SUMF1: variants seen among roughly 807,000 people sequenced by gnomAD.
SUMF1 encodes sulfatase modifying factor 1.
SUMF1 carries 48 observed loss-of-function variants against 47.6 expected under a neutral mutation model. The ratio of observed to expected loss-of-function variants is 1.01; its 90% CI spans 0.80 to 1.28. The LOEUF (loss-of-function observed/expected upper bound fraction) is 1.28, where lower values mean the gene tolerates loss of function less well. Ranked by LOEUF, SUMF1 falls within the 50% of genes most tolerant of loss-of-function variation. SUMF1 has a pLI of 0.00. For missense variants in SUMF1, 571 were observed against 485.4 expected, an observed-to-expected ratio of 1.18 and a Z score of -1.66; for synonymous variants, 230 against 192.1, an observed-to-expected ratio of 1.20 and a Z score of -1.63.
intron 6 of SUMF1, among the ~76,000 whole-genome samples, chr3:4,412,309 TA>T (rs1408616740): frequency 6.6e-6 from 1 of 151,592 alleles, no homozygotes; most frequent in African/African-American, 2.4e-5. Flanking sequence ...ATGAGTAGGG[TA>T]AGAGAGGGAA....
chr3:4,320,592 G>C (rs1559224294), intron 8 of SUMF1, among the ~76,000 whole-genome samples: 1 of 152,094 alleles, frequency 6.6e-6, no homozygotes, highest in Non-Finnish European at 1.5e-5. Flanking sequence ...GAAAAGGAGA[G>C]GAACTGCATG....
At chr3:4,282,283 C>T (rs1370151366) in intron 8 of SUMF1, among the ~76,000 whole-genome samples, 1 of 152,116 alleles carries the variant, frequency 6.6e-6, no homozygotes, top group Non-Finnish European at 1.5e-5. Flanking sequence ...AGGGAAAAAG[C>T]TTTATTGCAG....
chr3:4,384,892 C>CTT (rs60832424), intron 7 of SUMF1, among the ~76,000 whole-genome samples: 1 of 140,840 alleles, frequency 7.1e-6, no homozygotes, highest in African/African-American at 2.6e-5. Context: ...TTTCTTTTTT[C>CTT]TTTTTTTTTT....
intron 8 of SUMF1, among the ~76,000 whole-genome samples, chr3:4,300,988 T>C (rs1432756210): frequency 7.8e-6 from 1 of 128,488 alleles, no homozygotes; most frequent in African/African-American, 3.1e-5. Context: ...TTTCTCTATC[T>C]ATCTATCTCC....
At chr3:4,289,596 C>T (rs1276159538) in intron 8 of SUMF1, among the ~76,000 whole-genome samples, 1 of 152,106 alleles carries the variant, frequency 6.6e-6, no homozygotes, top group Non-Finnish European at 1.5e-5. Context: ...TATAGATTTC[C>T]TACAAGGAAC....
At chr3:4,346,840 A>G (rs1352987203) in intron 8 of SUMF1, among the ~76,000 whole-genome samples, 2 of 152,220 alleles carry the variant, frequency 1.3e-5, no homozygotes, top group South Asian at 2.1e-4. Context: ...TAAAAAAATG[A>G]TAAAGGGGAT....
chr3:4,387,389 T>G (rs982708159), intron 7 of SUMF1, among the ~76,000 whole-genome samples: 1 of 152,076 alleles, frequency 6.6e-6, no homozygotes, highest in Non-Finnish European at 1.5e-5. Context: ...TATACAGATG[T>G]TCACAGTATT....
intron 8 of SUMF1, among the ~76,000 whole-genome samples, chr3:4,246,058 C>T (rs1479910039): frequency 7.2e-5 from 11 of 152,180 alleles, no homozygotes; most frequent in Non-Finnish European, 1.2e-4. Flanking sequence ...GTGTGGGAAC[C>T]GCCAAGCCAG....
At chr3:4,273,882 C>T (rs1252379734) in intron 8 of SUMF1, among the ~76,000 whole-genome samples, 2 of 124,266 alleles carry the variant, frequency 1.6e-5, no homozygotes, top group East Asian at 2.6e-4. Flanking sequence ...TCCTGGTGGC[C>T]GACTCTGATC....
intron 9 of SUMF1, among the ~76,000 whole-genome samples, chr3:4,039,206 CAAA>C (rs1424561371): frequency 1.5e-5 from 1 of 68,372 alleles, no homozygotes; most frequent in Non-Finnish European, 2.7e-5. Context: ...AACATCTATG[CAAA>C]TTTTTTTTTT....
intron 8 of SUMF1, among the ~76,000 whole-genome samples, chr3:4,139,670 C>T (rs1320271464): frequency 6.6e-6 from 1 of 151,486 alleles, no homozygotes; most frequent in African/African-American, 2.4e-5. Flanking sequence ...TGTTATCTTC[C>T]TGCAGGAAAG....
intron 3 of SUMF1, among the ~76,000 whole-genome samples, chr3:4,439,036 T>C (rs1323346995): frequency 2.0e-5 from 3 of 152,076 alleles, no homozygotes; most frequent in Admixed American, 2.0e-4. Context: ...TCTTATAAAC[T>C]ATGTGTTAAA....
At chr3:4,293,357 A>G (rs7650610) in intron 8 of SUMF1, among the ~76,000 whole-genome samples, 2,490 of 152,310 alleles carry the variant, frequency 0.016, 73 homozygotes, top group African/African-American at 0.057. Context: ...CTGAAGCTAA[A>G]AGGTTTTGGA....
chr3:4,358,787 A>G (rs772208698), downstream of SUMF1, among the ~76,000 whole-genome samples: 27 of 152,292 alleles, frequency 1.8e-4, no homozygotes, highest in Non-Finnish European at 3.1e-4. Flanking sequence ...AGAAATCTAC[A>G]TCCCAGATCA....
rs117492831 is a variant in SUMF1 at position 4,079,408 on chromosome 3, A to T, written c.1015-10663T>A. ...TGAGAAGGGTTTTGATACCATTTGG[A>T]GTTTACTGAAATAAGGTACATGCCT... On this transcript the variant is annotated intron_variant and NMD_transcript_variant, in intron 8 of 12. Transcript: ENST00000448413. 1.4e-3 allele frequency among the ~76,000 whole-genome samples: 215 copies of T among 152,042 alleles called. 5 individuals carry two copies. In the East Asian group the frequency reaches 0.038, roughly 27 times the overall value.
chr3:4,418,864 G>A (rs1410222606), intron 4 of SUMF1, among the ~76,000 whole-genome samples: 1 of 152,144 alleles, frequency 6.6e-6, no homozygotes, highest in Non-Finnish European at 1.5e-5. Context: ...GAGAAAAAGG[G>A]GATAGACTCA....
At chr3:4,399,520 A>G (rs991657491) in intron 7 of SUMF1, among the ~76,000 whole-genome samples, 3 of 152,242 alleles carry the variant, frequency 2.0e-5, no homozygotes, top group Admixed American at 6.5e-5. Context: ...CTTTGCTTAC[A>G]GCCAAGAGTG....
chr3:4,138,438 T>C (rs1002734665), intron 8 of SUMF1, among the ~76,000 whole-genome samples: 2 of 152,152 alleles, frequency 1.3e-5, no homozygotes, highest in African/African-American at 2.4e-5. Context: ...GGATATTCCA[T>C]GTCAATTCCA....
intron 3 of SUMF1, among the ~76,000 whole-genome samples, chr3:4,439,104 A>G (rs555140865): frequency 6.6e-6 from 1 of 152,364 alleles, no homozygotes; most frequent in South Asian, 2.1e-4. Context: ...CAAAACTACT[A>G]TAACACTTGT....
Sources: allele counts gnomAD v4.1 joint callset (sites outside exome capture counted in the v4.1 genomes callset), GRCh38; gene constraint gnomAD v4.1.1; transcripts MANE v1.5; gene names NCBI Gene and HGNC (gene_info 2026-07-23, HGNC 2026-07-21).